The following STRBP variants were observed in gnomAD, a reference collection of about 807,000 sequenced individuals.
The protein encoded by STRBP is spermatid perinuclear RNA-binding protein.
Under a neutral mutation model 80.1 loss-of-function variants are expected in STRBP, and 13 were observed. That is an observed-to-expected ratio of 0.16 (90% CI 0.11 to 0.26). The LOEUF (loss-of-function observed/expected upper bound fraction) is 0.26, where lower values mean the gene tolerates loss of function less well. Among genes scored for constraint, STRBP ranks in the 10% least tolerant of loss-of-function variants. The pLI, the probability that STRBP is intolerant of heterozygous loss-of-function variation, is 1.00. For missense variants in STRBP, 485 were observed against 815.2 expected, an observed-to-expected ratio of 0.59 and a Z score of 4.93; for synonymous variants, 284 against 291.2, an observed-to-expected ratio of 0.98 and a Z score of 0.25.
At position 123,162,231 on chromosome 9, in the gene STRBP, T is replaced by C. The variant is rs1424589390; in HGVS notation, c.536-1163A>G. Among the ~76,000 whole-genome samples the C allele has an allele frequency of 2.0e-4, 6 of 30,600 alleles. No individual in the cohort carries two copies. In the South Asian group the frequency reaches 0.017, roughly 85 times the overall value. 20.1% of individuals were successfully genotyped at this position (30,600 alleles called of 152,430 possible). The stretch of plus-strand genomic sequence containing the variant: ...CAATGTTTATTCTGTGGTTTTTTTC[T>C]TTTTTTTTTTTGAGACAGGTTCGTC... On this transcript the variant is annotated intron_variant, in intron 6 of 18. Transcript: ENST00000348403.
intron 2 of STRBP, among the ~76,000 whole-genome samples, chr9:123,226,481 C>T (rs1588129751): frequency 6.6e-6 from 1 of 152,230 alleles, no homozygotes; most frequent in East Asian, 1.9e-4. Flanking sequence ...AATTCAGATG[C>T]CATGCCTTGA....
rs117272113 is a variant in STRBP, at chr9:123,255,771, G to A, written c.-302+12665C>T. Reference sequence around the variant, plus strand: ...GCAACAGATGCACATCCTTTCTAAAGAGAATACTAATTTTCTTTTTATCAG... The same window carrying A: ...GCAACAGATGCACATCCTTTCTAAAAAGAATACTAATTTTCTTTTTATCAG... On this transcript the variant is annotated intron_variant, in intron 1 of 18. Transcript: ENST00000348403. Among the ~76,000 whole-genome samples the A allele has an allele frequency of 2.9e-3, 445 of 152,252 alleles. 2 individuals carry two copies. The highest frequency in any genetic ancestry group is 0.01 in the Middle Eastern group (3 of 294).
intron 17 of STRBP, among the ~76,000 whole-genome samples, chr9:123,129,691 C>T (rs2036052661): frequency 6.6e-6 from 1 of 152,154 alleles, no homozygotes; most frequent in Admixed American, 6.5e-5. Context: ...CTGGTCCTAC[C>T]CCAGGCAGTC....
At chr9:123,187,268 TA>T (rs5900565) in intron 2 of STRBP, among the ~76,000 whole-genome samples, 96,403 of 138,804 alleles carry the variant, frequency 0.69, 38,212 homozygotes, top group Non-Finnish European at 0.88. Flanking sequence ...TTCAGCTATT[TA>T]AAAAAAAAAA....
intron 2 of STRBP, among the ~76,000 whole-genome samples, chr9:123,234,459 C>T (rs1263104787): frequency 4.6e-5 from 7 of 151,974 alleles, no homozygotes; most frequent in Admixed American, 4.6e-4. Flanking sequence ...ATCCTTACTT[C>T]CCAAAAAGAA....
At chr9:123,116,185 C>T in intron 2 of STRBP, 1 of 441,562 alleles carries the variant, frequency 2.3e-6, no homozygotes, top group Non-Finnish European at 4.6e-6. Flanking sequence ...CACCAGATTG[C>T]TCTGGAAAAT....
rs1434648094 is a variant in STRBP at position 123,126,110 on chromosome 9, T to C, written c.1943-437A>G. 6.6e-6 allele frequency among the ~76,000 whole-genome samples: 1 copy of C among 152,230 alleles called. No homozygotes were observed. On this transcript the variant is annotated intron_variant, in intron 18 of 18. Coordinates refer to ENST00000348403, the MANE Select transcript of STRBP (RefSeq NM_018387.5). This position sits in a 1 kb window ranked among gnomAD's most constrained non-coding sequence, Gnocchi z 4.4. ...GCTGGAGCCATGGCCAGGCGTTTAC[T>C]TAACTTCTTAATGGCTATGGCCAAT...
chr9:123,168,134 C>T, intron 6 of STRBP: 1 of 734,646 alleles, frequency 1.4e-6, no homozygotes, highest in East Asian at 1.3e-4. Flanking sequence ...ATAATTACAA[C>T]ACTACTTAGA....
rs2035628651 is a variant in STRBP at position 123,115,307 on chromosome 9, C to A, written c.*84+622G>T. On this transcript the variant is annotated intron_variant and NMD_transcript_variant, in intron 3 of 3. Coordinates refer to the STRBP transcript ENST00000471564. The surrounding 1 kb of genome is among the most constrained non-coding windows in gnomAD (Gnocchi z 5.0). ...TTGGTAAATTACTCAGTAAGCACTT[C>A]TCTCCTGAGGCCTGGCTCCTCTCCT... 2.1e-6 allele frequency: 1 copy of A among 471,188 alleles called. No individual in the cohort carries two copies. The highest frequency in any genetic ancestry group is 2.0e-5 in the African/African-American group (1 of 50,226). The allele number at this position is 471,188 out of a possible 1,614,324, so 29.2% of individuals were successfully genotyped here.
Position 123,126,987 on chromosome 9 carries a change from C to T in STRBP, c.1942+1227G>A, listed in dbSNP as rs188286506. ...AGTCTCCAATTCCTAGTTACCCATA[C>T]GGCTCAGTTCAAAATATGGGGAAGC... On this transcript the variant is annotated intron_variant, in intron 18 of 18. Coordinates refer to ENST00000348403, the MANE Select transcript of STRBP (RefSeq NM_018387.5). This position sits in a 1 kb window ranked among gnomAD's most constrained non-coding sequence, Gnocchi z 4.4. 4.7e-4 allele frequency among the ~76,000 whole-genome samples: 71 copies of T among 152,312 alleles called. No individual in the cohort carries two copies. The highest frequency in any genetic ancestry group is 1.4e-3 in the African/African-American group (60 of 41,576).
intron 1 of STRBP, among the ~76,000 whole-genome samples, chr9:123,249,395 G>A (rs182332961): frequency 1.3e-5 from 2 of 150,726 alleles, no homozygotes; most frequent in Admixed American, 6.6e-5. Context: ...ATAAAAATAC[G>A]CTTTGGAAGG....
downstream of STRBP, among the ~76,000 whole-genome samples, chr9:123,118,746 T>C (rs1239293977): frequency 6.6e-6 from 1 of 152,242 alleles, no homozygotes; most frequent in Non-Finnish European, 1.5e-5. Flanking sequence ...ACGCAGTTTT[T>C]ATAAACTTGG....
At chr9:123,257,062 A>C (rs1020842660) in intron 1 of STRBP, among the ~76,000 whole-genome samples, 1 of 152,174 alleles carries the variant, frequency 6.6e-6, no homozygotes, top group African/African-American at 2.4e-5. Context: ...CAAACAGAGT[A>C]AGGCTTGAAT....
chr9:123,258,613 C>A (rs918510161), intron 1 of STRBP, among the ~76,000 whole-genome samples: 44 of 152,202 alleles, frequency 2.9e-4, no homozygotes, highest in Admixed American at 9.8e-4. Context: ...ACCATCCTGG[C>A]TAACACAGTG....
At chr9:123,241,041 T>C (rs927893596) in intron 1 of STRBP, among the ~76,000 whole-genome samples, 1 of 152,124 alleles carries the variant, frequency 6.6e-6, no homozygotes, top group African/African-American at 2.4e-5. Flanking sequence ...TAGCTGGGCA[T>C]GGTGGCACAT....
intron 5 of STRBP, among the ~76,000 whole-genome samples, chr9:123,172,441 A>G (rs1240720425): frequency 6.6e-6 from 1 of 152,246 alleles, no homozygotes; most frequent in African/African-American, 2.4e-5. Flanking sequence ...TGTTTAATAC[A>G]TAAAGCTATG....
At chr9:123,225,694 C>T (rs1449661327) in intron 2 of STRBP, among the ~76,000 whole-genome samples, 2 of 152,180 alleles carry the variant, frequency 1.3e-5, no homozygotes, top group African/African-American at 2.4e-5. Context: ...GATTCAACCT[C>T]GTCTGTGCCT....
chr9:123,137,231 C>T (rs1383320503), intron 14 of STRBP, among the ~76,000 whole-genome samples: 9 of 152,150 alleles, frequency 5.9e-5, no homozygotes, highest in South Asian at 2.1e-4. Flanking sequence ...AAAACAGAGG[C>T]TAGCATCAAA....
rs950032623 is a variant in STRBP, at chr9:123,237,948, C to T, written c.-301-982G>A. Among the ~76,000 whole-genome samples, 11 of 152,274 alleles carry T rather than the reference C, an allele frequency of 7.2e-5. No individual in the cohort carries two copies. The East Asian group carries it at 2.1e-3, about 29-fold the overall frequency. On this transcript the variant is annotated intron_variant, in intron 1 of 18. Transcript: ENST00000348403. ...AGAATAGGCCCTAAAGTCAGATTGC[C>T]TGGGTTCAAATCCCTTCTCCACCAC...
Sources: allele counts gnomAD v4.1 joint callset (sites outside exome capture counted in the v4.1 genomes callset), GRCh38; gene constraint gnomAD v4.1.1; non-coding constraint Gnocchi (gnomAD v3.1); transcripts MANE v1.5; gene names NCBI Gene and HGNC (gene_info 2026-07-23, HGNC 2026-07-21).